The following MYRFL variants were observed in gnomAD, a reference collection of about 807,000 sequenced individuals.
MYRFL encodes the protein myelin regulatory factor like.
In MYRFL, 88 loss-of-function variants were observed where a neutral mutation model predicts 109.4. That is an observed-to-expected ratio of 0.80 (90% confidence interval 0.68 to 0.96). MYRFL has a LOEUF of 0.96. Among genes scored for constraint, MYRFL ranks in the 40% least tolerant of loss-of-function variants. The pLI is 0.00. For missense variants in MYRFL, 957 were observed against 954.9 expected (o/e 1.00, Z -0.03); for synonymous variants, 324 against 320.9 (o/e 1.01, Z -0.10).
chr12:69,930,935 T>C (rs2120463316), intron 15 of MYRFL, among the ~76,000 whole-genome samples: 1 of 152,230 alleles, frequency 6.6e-6, no homozygotes, highest in South Asian at 2.1e-4. Context: ...TGTAGGGCAT[T>C]TAGGGTTTTC....
intron 5 of MYRFL, among the ~76,000 whole-genome samples, chr12:69,881,581 G>A (rs1267604745): frequency 1.3e-5 from 2 of 152,186 alleles, no homozygotes; most frequent in African/African-American, 4.8e-5. Context: ...CTCCAGCGTG[G>A]GCTGTGGAGG....
rs1555240272 is a variant in MYRFL at position 69,852,583 on chromosome 12, T to TTAA, written c.47-2696_47-2695insAAT. On this transcript the variant is annotated intron_variant, in intron 1 of 24. Transcript: ENST00000552032. Reference sequence around the variant, plus strand: ...GCTGTTTATTTTTAATTTTTAATTTTTTTTTTTTTTTTTTTTAGTATTTAT... The same window carrying TTAA: ...GCTGTTTATTTTTAATTTTTAATTTTTAATTTTTTTTTTTTTTTTAGTATTTAT... 4.1e-5 allele frequency among the ~76,000 whole-genome samples: 6 copies of TTAA among 145,614 alleles called. No individual in the cohort carries two copies. The South Asian group carries it at 6.5e-4, about 16-fold the overall frequency.
intron 5 of MYRFL, among the ~76,000 whole-genome samples, chr12:69,883,572 G>A (rs1325840776): frequency 6.6e-6 from 1 of 152,110 alleles, no homozygotes; most frequent in Non-Finnish European, 1.5e-5. Flanking sequence ...GGGCAAAAGA[G>A]GCCGGTGAGG....
chr12:69,878,932 T>C lies in MYRFL; in HGVS notation c.138-96T>C. 4.3e-6 allele frequency: 3 copies of C among 696,300 alleles called. No homozygotes were observed. The South Asian group carries it at 4.5e-5, about 11-fold the overall frequency. The allele number at this position is 696,300 out of a possible 1,614,324, so 43.1% of individuals were successfully genotyped here. A position where few individuals can be genotyped will look rare whatever the true frequency, so the allele number is the denominator to read the frequency against. Reference sequence around the variant, plus strand: ...CATGCCCAGCACCTGGAACCATCACTGTGGGGGCTGTACACTGAGGGTTGT... The same window carrying C: ...CATGCCCAGCACCTGGAACCATCACCGTGGGGGCTGTACACTGAGGGTTGT... On this transcript the variant is annotated intron_variant, in intron 2 of 24. Coordinates refer to ENST00000552032, the MANE Select transcript of MYRFL (RefSeq NM_182530.3).
intron 11 of MYRFL, among the ~76,000 whole-genome samples, chr12:69,908,336 A>T (rs1371826491): frequency 6.6e-6 from 1 of 152,206 alleles, no homozygotes; most frequent in East Asian, 1.9e-4. Context: ...CATGCTATGA[A>T]GGAGAACTGG....
intron 16 of MYRFL, 127 bp from the exon 17 acceptor site, chr12:69,935,986 T>TC (rs976168471): frequency 5.3e-6 from 6 of 1,127,628 alleles, no homozygotes; most frequent in East Asian, 2.6e-5. Context: ...GGCCATCCCC[T>TC]CCCCCCTGCT....
chr12:69,834,540 G>A (rs923022971), intron 1 of MYRFL, among the ~76,000 whole-genome samples: 1 of 152,084 alleles, frequency 6.6e-6, no homozygotes, highest in East Asian at 1.9e-4. Flanking sequence ...ACCCTCTTAC[G>A]GTTGTGAAGA....
chr12:69,891,474 C>T (rs1886798484), intron 7 of MYRFL, among the ~76,000 whole-genome samples: 1 of 152,228 alleles, frequency 6.6e-6, no homozygotes, highest in South Asian at 2.1e-4. Flanking sequence ...ATGTGAACTG[C>T]TCTATGGGAT....
At chr12:69,916,011 A>T (rs10879054) in intron 13 of MYRFL, among the ~76,000 whole-genome samples, 28,280 of 151,732 alleles carry the variant, frequency 0.19, 3,824 homozygotes, top group African/African-American at 0.38. Context: ...TCCTTGGACA[A>T]TTCTTGTTGT....
At chr12:69,873,563 G>A (rs1024791783) in intron 2 of MYRFL, among the ~76,000 whole-genome samples, 2 of 152,200 alleles carry the variant, frequency 1.3e-5, no homozygotes, top group African/African-American at 4.8e-5. Context: ...TGATATCGTG[G>A]CAGGAAATCC....
Position 69,936,312 on chromosome 12 carries a change from T to C in MYRFL, c.2021T>C (p.Leu674Pro). 6.5e-7 allele frequency: 1 copy of C among 1,536,340 alleles called. No homozygotes were observed. Among genetic ancestry groups the C allele is most frequent in the Non-Finnish European group, 8.7e-7 (1 of 1,146,938 alleles). ...ATCACAAGCTCACAGGAGCCAGCTC[T>C]GCTGCCCACAGCCTCCTCCTCAGGT... ...SNITSSQEPA[L>P]LPTASSSAPN... is the part of the protein sequence containing the mutation. Residue 674 changes from leucine (L) to proline (P), a missense_variant, in exon 18 of 25, where the codon CTG (leucine) becomes CCG (proline). Leu to Pro is a moderately conservative substitution (Grantham distance 98). Transcript: ENST00000552032.
chr12:69,892,285 G>A (rs973851004), intron 7 of MYRFL, among the ~76,000 whole-genome samples: 14 of 152,202 alleles, frequency 9.2e-5, no homozygotes. Flanking sequence ...GTAAATGATA[G>A]AGCTCGGTTC....
At chr12:69,873,077 G>A (rs983833196) in intron 2 of MYRFL, among the ~76,000 whole-genome samples, 6 of 152,130 alleles carry the variant, frequency 3.9e-5, no homozygotes, top group Non-Finnish European at 8.8e-5. Context: ...CCCTATATAT[G>A]CTATGCACAA....
intron 2 of MYRFL, among the ~76,000 whole-genome samples, chr12:69,858,602 GT>G (rs1884441148): frequency 6.6e-6 from 1 of 151,848 alleles, no homozygotes; most frequent in Non-Finnish European, 1.5e-5. Context: ...ATTGATCAAT[GT>G]TATCTAAGTT....
Position 69,903,843 on chromosome 12 carries a change from A to G in MYRFL, c.1382A>G (p.Glu461Gly). 4.6e-6 allele frequency: 7 copies of G among 1,524,750 alleles called. No homozygotes were observed. Among genetic ancestry groups the G allele is most frequent in the Non-Finnish European group, 6.1e-6 (7 of 1,139,240 alleles). 94.5% of individuals were successfully genotyped at this position (1,524,750 alleles called of 1,614,324 possible). The change falls in exon 11 of 25, where the codon GAG becomes GGG. Residue 461 changes from glutamate (E) to glycine (G), a missense_variant and splice_region_variant. Glu to Gly is a moderately conservative substitution (Grantham distance 98). Transcript: ENST00000552032. ...AGCCGGGCAAAGCAGAATATCCAGG[A>G]GGTGAGCACAGATTCAGGCCCTGGG... ...SDSRAKQNIQ[E>G]VDTNEQLKRI...
At chr12:69,862,742 T>C (rs1387361740) in intron 2 of MYRFL, among the ~76,000 whole-genome samples, 1 of 152,136 alleles carries the variant, frequency 6.6e-6, no homozygotes, top group Non-Finnish European at 1.5e-5. Context: ...ACCCTTTATT[T>C]CCTTCTCCTG....
chr12:69,921,783 A>G (rs1175401187), intron 13 of MYRFL, among the ~76,000 whole-genome samples: 2 of 152,172 alleles, frequency 1.3e-5, no homozygotes, highest in East Asian at 3.9e-4. Flanking sequence ...TTTCAGTTGG[A>G]GAAATTAAAC....
At chr12:69,932,490 C>G in intron 15 of MYRFL, 23 bp from the exon 16 acceptor site, 4 of 1,489,912 alleles carry the variant, frequency 2.7e-6, no homozygotes, top group Non-Finnish European at 3.6e-6. Context: ...TTTATCACTG[C>G]TCATTACTGA....
chr12:69,938,477 T>C (rs759962332), intron 19 of MYRFL, among the ~76,000 whole-genome samples: 5 of 152,170 alleles, frequency 3.3e-5, no homozygotes, highest in African/African-American at 4.8e-5. Flanking sequence ...AATATAGTCA[T>C]GTGCCACATA....
Sources: gnomAD v4.1 joint callset for allele counts (sites outside exome capture counted in the v4.1 genomes callset) on GRCh38, gnomAD v4.1.1 for gene constraint, MANE v1.5 for transcripts, NCBI Gene and HGNC (gene_info 2026-07-23, HGNC 2026-07-21) for gene names.